The following KCNMB2 variants were observed in gnomAD, a reference collection of about 807,000 sequenced individuals.
KCNMB2 encodes the protein potassium calcium-activated channel subfamily M regulatory beta subunit 2, also known as calcium-activated potassium channel subunit beta-2.
KCNMB2 carries 9 observed loss-of-function variants against 24.5 expected under a neutral mutation model. The observed-to-expected ratio is 0.37, with a 90% CI of 0.22 to 0.64. The LOEUF is 0.64. KCNMB2 is among the 30% of genes least tolerant of loss of function. The probability of loss-of-function intolerance (pLI) is 0.63; values close to 1 mark genes in which losing one functional copy is unlikely to be tolerated. For synonymous variants in KCNMB2, 109 were observed against 104.4 expected (o/e 1.04, Z -0.27); for missense variants, 226 against 284.3 (o/e 0.79, Z 1.47).
Position 178,843,176 on chromosome 3 carries a change from A to T in KCNMB2, c.*239A>T, listed in dbSNP as rs1034199539. The T allele has an allele frequency of 1.7e-6, 1 of 593,572 alleles. No individual in the cohort carries two copies. Among genetic ancestry groups the T allele is most frequent in the Admixed American group, 2.1e-5 (1 of 46,570 alleles). 36.8% of individuals were successfully genotyped at this position (593,572 alleles called of 1,614,324 possible). On this transcript the variant is annotated 3_prime_UTR_variant, in exon 5 of 5. Transcript: ENST00000452583. ...TTTCATAATCTTATTTCTGTACTGG[A>T]ACTAGTACTTTCTTCTCTCATTCCG...
chr3:178,842,657 C>A lies in KCNMB2; in HGVS notation c.428C>A (p.Ser143Tyr). The A allele has an allele frequency of 6.3e-7, 1 of 1,598,708 alleles. No homozygotes were observed. Among genetic ancestry groups the A allele is most frequent in the South Asian group, 1.1e-5 (1 of 90,340 alleles). Residue 143 changes from serine to tyrosine, a missense_variant, in exon 5 of 5, where the codon TCC (serine) becomes TAC (tyrosine). Physicochemically the swap from Ser to Tyr is moderately radical, Grantham distance 144 (BLOSUM62 -2). Coordinates refer to ENST00000452583, the MANE Select transcript of KCNMB2 (RefSeq NM_181361.3). ...AGTTTATCTTATTCTCCACAGTGCT[C>A]CTATATACCTAAATGTGGAAAAAAT... Reference protein sequence around the residue: ...EETIKINQKCSYIPKCGKNFE... With the variant: ...EETIKINQKCYYIPKCGKNFE...
At chr3:178,657,396 C>A (rs1212199696) in intron 1 of KCNMB2, among the ~76,000 whole-genome samples, 1 of 152,202 alleles carries the variant, frequency 6.6e-6, no homozygotes, top group Non-Finnish European at 1.5e-5. Context: ...GCTGGACTGA[C>A]CTGGGAACAA....
intron 1 of KCNMB2, among the ~76,000 whole-genome samples, chr3:178,684,848 G>C (rs1435853430): frequency 6.6e-6 from 1 of 152,112 alleles, no homozygotes; most frequent in South Asian, 2.1e-4. Flanking sequence ...TAAATAAATA[G>C]TGTGTTATTT....
chr3:178,722,988 T>C (rs1469609845), intron 1 of KCNMB2, among the ~76,000 whole-genome samples: 2 of 152,160 alleles, frequency 1.3e-5, no homozygotes, highest in African/African-American at 4.8e-5. Flanking sequence ...CCTTTCGATA[T>C]TGGGCTGTCT....
At chr3:178,763,678 T>C (rs951502965) in intron 1 of KCNMB2, among the ~76,000 whole-genome samples, 23 of 152,118 alleles carry the variant, frequency 1.5e-4, no homozygotes, top group African/African-American at 5.6e-4. Flanking sequence ...AGTGGGTAGA[T>C]GGAGACAAAA....
At chr3:178,679,985 G>T (rs1418289151) in intron 1 of KCNMB2, among the ~76,000 whole-genome samples, 1 of 151,892 alleles carries the variant, frequency 6.6e-6, no homozygotes, top group East Asian at 1.9e-4. Context: ...CAAGCAGTTG[G>T]AGGACAGCAT....
intron 1 of KCNMB2, among the ~76,000 whole-genome samples, chr3:178,594,385 T>A (rs549183778): frequency 6.6e-6 from 1 of 152,130 alleles, no homozygotes; most frequent in South Asian, 2.1e-4. Flanking sequence ...GTGGAAGCAG[T>A]GAAGATGGTG....
At chr3:178,727,993 T>C (rs1275813881) in intron 1 of KCNMB2, among the ~76,000 whole-genome samples, 2 of 152,242 alleles carry the variant, frequency 1.3e-5, no homozygotes, top group African/African-American at 4.8e-5. Context: ...TTCATATTCT[T>C]ATTTATCTGT....
At position 178,662,796 on chromosome 3, in the gene KCNMB2, C is replaced by A. The variant is rs540234415; in HGVS notation, c.-68+126085C>A. Among the ~76,000 whole-genome samples, 8 of 151,988 alleles carry A rather than the reference C, an allele frequency of 5.3e-5. No homozygotes were observed. The East Asian group carries it at 1.5e-3, about 29-fold the overall frequency. On this transcript the variant is annotated intron_variant, in intron 1 of 4. Transcript: ENST00000452583. Reference sequence around the variant, plus strand: ...ATTTATTCATTACTTATGCTAAGATCTCTAAATGGATTATCTCACTGTCTT... The same window carrying A: ...ATTTATTCATTACTTATGCTAAGATATCTAAATGGATTATCTCACTGTCTT...
chr3:178,762,512 A>G (rs1711944318), intron 1 of KCNMB2, among the ~76,000 whole-genome samples: 2 of 152,206 alleles, frequency 1.3e-5, no homozygotes, highest in Admixed American at 6.5e-5. Context: ...AATAGATTTA[A>G]AACAAGGGAA....
intron 1 of KCNMB2, among the ~76,000 whole-genome samples, chr3:178,623,696 A>G (rs968251819): frequency 7.2e-5 from 11 of 152,186 alleles, no homozygotes; most frequent in African/African-American, 2.4e-4. Flanking sequence ...AACTTTTATA[A>G]TTCATTCTAG....
At chr3:178,736,503 G>A (rs948984974) in intron 1 of KCNMB2, among the ~76,000 whole-genome samples, 1 of 152,154 alleles carries the variant, frequency 6.6e-6, no homozygotes, top group Non-Finnish European at 1.5e-5. Flanking sequence ...CTAGGACTAA[G>A]CCCCACAAGC....
intron 1 of KCNMB2, among the ~76,000 whole-genome samples, chr3:178,645,942 GT>G (rs1719906008): frequency 1.3e-5 from 2 of 152,146 alleles, no homozygotes; most frequent in South Asian, 2.1e-4. Flanking sequence ...GGGGACAGGA[GT>G]TTTTTGTGGT....
intron 1 of KCNMB2, among the ~76,000 whole-genome samples, chr3:178,778,496 A>ACACC: frequency 7.5e-6 from 1 of 134,042 alleles, no homozygotes; most frequent in South Asian, 2.5e-4. Context: ...ACACACACAC[A>ACACC]CACACACCTG....
rs142823613 is a variant in KCNMB2, at chr3:178,665,595, A to G, written c.-68+128884A>G. Among the ~76,000 whole-genome samples the G allele has an allele frequency of 5.6e-4, 86 of 152,218 alleles. 1 individual carries two copies. Among genetic ancestry groups the G allele is most frequent in the African/African-American group, 2.0e-3 (85 of 41,532 alleles). On this transcript the variant is annotated intron_variant, in intron 1 of 4. Transcript: ENST00000452583. ...CCTTTATGCCTCTTTAGTTGTTTTC[A>G]ATGACTTTGAGATTAGGCATAACAA...
intron 1 of KCNMB2, among the ~76,000 whole-genome samples, chr3:178,582,786 A>G (rs1342367018): frequency 6.6e-6 from 1 of 152,128 alleles, no homozygotes; most frequent in Non-Finnish European, 1.5e-5. Flanking sequence ...TTTGCATATG[A>G]TTTTGTTTAT....
At chr3:178,653,198 G>A (rs9856087) in intron 1 of KCNMB2, among the ~76,000 whole-genome samples, 1,709 of 151,834 alleles carry the variant, frequency 0.011, 26 homozygotes, top group African/African-American at 0.039. Flanking sequence ...CTTTGTTAAG[G>A]TAATTTCTAT....
intron 1 of KCNMB2, among the ~76,000 whole-genome samples, chr3:178,667,672 A>G (rs1458006128): frequency 1.3e-5 from 2 of 152,138 alleles, no homozygotes. Flanking sequence ...AATCCTGCTG[A>G]CACCTTGATC....
intron 1 of KCNMB2, among the ~76,000 whole-genome samples, chr3:178,773,325 C>T (rs1468324264): frequency 6.6e-6 from 1 of 152,124 alleles, no homozygotes; most frequent in Admixed American, 6.5e-5. Context: ...TACTATTCAA[C>T]ATGGCTTTTA....
Sources: allele counts gnomAD v4.1 joint callset (sites outside exome capture counted in the v4.1 genomes callset), GRCh38; gene constraint gnomAD v4.1.1; transcripts MANE v1.5; gene names NCBI Gene and HGNC (gene_info 2026-07-23, HGNC 2026-07-21).